Variants in SYTL5 observed in about 807,000 individuals in gnomAD.
SYTL5 encodes the protein synaptotagmin-like protein 5.
A neutral mutation model predicts 55.9 loss-of-function variants in SYTL5; 34 were observed. The ratio of observed to expected loss-of-function variants is 0.61; its 90% confidence interval spans 0.46 to 0.81. The LOEUF (loss-of-function observed/expected upper bound fraction) is 0.81. Ranked by LOEUF, SYTL5 falls within the 30% of genes least tolerant of loss-of-function variation. The probability of loss-of-function intolerance (pLI) is 0.00; values close to 1 mark genes in which losing one functional copy is unlikely to be tolerated. For synonymous variants in SYTL5, 221 were observed against 188.7 expected, an observed-to-expected ratio of 1.17 and a Z score of -1.40; for missense variants, 637 against 546.7, an observed-to-expected ratio of 1.17 and a Z score of -1.65.
chrX:37,923,429 A>G, the SYTL5 span, among the ~76,000 whole-genome samples: 14,669 of 110,742 alleles, frequency 0.13, 1,628 homozygotes, highest in African/African-American at 0.37. Context: ...TGAAGAGTAA[A>G]AATGACTACA....
In SYTL5 at chrX:38,076,595, A is replaced by G. The variant is rs2147432213; in HGVS notation, c.583A>G (p.Thr195Ala). ...TCTTCTTAGCAAGTTCAGATCGGCAACCAGAGGAGAAATCATAACTCCCAA... is the reference window on the plus strand; with the variant it reads ...TCTTCTTAGCAAGTTCAGATCGGCAGCCAGAGGAGAAATCATAACTCCCAA... ...GFLLSKFRSATRGEIITPKTD... is the reference protein window; with the variant it reads ...GFLLSKFRSAARGEIITPKTD... The change falls in exon 6 of 17, where the codon ACC (threonine) becomes GCC (alanine). Residue 195 changes from threonine (T) to alanine (A), a missense_variant. Transcript: ENST00000297875. 8.3e-7 allele frequency: 1 copy of G among 1,206,093 alleles called. No individual in the cohort carries two copies. Among genetic ancestry groups the G allele is most frequent in the Non-Finnish European group, 1.1e-6 (1 of 890,958 alleles).
chrX:38,069,959 C>T (rs753817047), intron 3 of SYTL5, among the ~76,000 whole-genome samples: 8 of 111,746 alleles, frequency 7.2e-5, no homozygotes, highest in African/African-American at 2.3e-4. Context: ...ATTCCATAAG[C>T]GTATTTTATA....
chrX:37,963,905 T>C, the SYTL5 span, among the ~76,000 whole-genome samples: 1 of 111,800 alleles, frequency 8.9e-6, no homozygotes, highest in East Asian at 2.8e-4. Context: ...TCCTAGTTTG[T>C]TGAGTGTTTT....
intron 6 of SYTL5, among the ~76,000 whole-genome samples, chrX:38,086,629 G>T (rs1179543223): frequency 9.0e-6 from 1 of 111,546 alleles, no homozygotes. Context: ...ATTATAGCTG[G>T]ATTAAAAAAT....
chrX:38,070,868 A>G (rs1247004039), intron 3 of SYTL5, among the ~76,000 whole-genome samples: 1 of 111,947 alleles, frequency 8.9e-6, no homozygotes, highest in Non-Finnish European at 1.9e-5. Context: ...GGACTTTTAT[A>G]GCAGCATAAC....
chrX:38,041,531 C>T (rs1351096240), intron 2 of SYTL5, among the ~76,000 whole-genome samples: 1 of 112,209 alleles, frequency 8.9e-6, no homozygotes, highest in African/African-American at 3.2e-5. Context: ...CCAGCATGAA[C>T]ATACTGGCTC....
chrX:37,973,561 C>T, the SYTL5 span, among the ~76,000 whole-genome samples: 1 of 111,511 alleles, frequency 9.0e-6, no homozygotes, highest in South Asian at 3.8e-4. Context: ...CCCACCAGCT[C>T]AGTGGTGAGT....
chrX:37,937,813 A>C, the SYTL5 span, among the ~76,000 whole-genome samples: 1 of 112,396 alleles, frequency 8.9e-6, no homozygotes, highest in African/African-American at 3.2e-5. Flanking sequence ...GTTGTATATA[A>C]AGCAAACATG....
chrX:38,122,258 A>G, intron 15 of SYTL5, 43 bp downstream of exon 15: 1 of 1,149,142 alleles, frequency 8.7e-7, no homozygotes, highest in Non-Finnish European at 1.2e-6. Flanking sequence ...TTAATAGGAG[A>G]TGAAAGGATC....
intron 1 of SYTL5, among the ~76,000 whole-genome samples, chrX:38,028,911 A>C (rs1322989190): frequency 2.7e-5 from 3 of 111,657 alleles, no homozygotes; most frequent in Non-Finnish European, 5.7e-5. Context: ...CTCGGTGGCA[A>C]TGTTGACAAT....
chrX:37,942,496 C>A, the SYTL5 span, among the ~76,000 whole-genome samples: 1 of 111,449 alleles, frequency 9.0e-6, no homozygotes, highest in Non-Finnish European at 1.9e-5. Flanking sequence ...TTGCCCTCCA[C>A]CCCCTTATCT....
At chrX:37,962,594 T>C in the SYTL5 span, among the ~76,000 whole-genome samples, 1 of 111,957 alleles carries the variant, frequency 8.9e-6, no homozygotes, top group Non-Finnish European at 1.9e-5. Flanking sequence ...TACCCAGTAA[T>C]GGGATGGCTG....
chrX:38,023,324 C>T (rs920178854), intron 1 of SYTL5, among the ~76,000 whole-genome samples: 1 of 111,858 alleles, frequency 8.9e-6, no homozygotes, highest in Non-Finnish European at 1.9e-5. Context: ...TCAGTCACCA[C>T]ACCTTATTGG....
chrX:38,106,709 C>T lies in SYTL5; in HGVS notation c.1272C>T (p.Tyr424=), dbSNP rs369921042. The part of the protein sequence containing the change: ...ISYCYKTGGL[Y]IFVKNCRNLA... ...ACTGCTACAAAACTGGTGGGCTGTA[C>T]ATTTTTGTCAAGAATTGCAGAAATC... Residue 424 remains tyrosine, a synonymous_variant, in exon 11 of 17, where the codon TAC becomes TAT. Coordinates refer to ENST00000297875, the MANE Select transcript of SYTL5 (RefSeq NM_138780.3). 27 of 1,207,218 alleles carry T rather than the reference C, an allele frequency of 2.2e-5. No homozygotes were observed. Among genetic ancestry groups the T allele is most frequent in the East Asian group, 1.8e-4 (6 of 33,673 alleles).
intron 3 of SYTL5, among the ~76,000 whole-genome samples, chrX:38,060,899 AC>A (rs200660597): frequency 0.011 from 1,287 of 111,939 alleles, 18 homozygotes; most frequent in African/African-American, 0.039. Context: ...AATTTAATAG[AC>A]CCAAATATCC....
At chrX:37,919,001 G>C in the SYTL5 span, among the ~76,000 whole-genome samples, 2 of 110,551 alleles carry the variant, frequency 1.8e-5, no homozygotes, top group African/African-American at 6.6e-5. Flanking sequence ...GTACAAGAAG[G>C]CCTGCTAGAA....
At chrX:38,075,568 G>C (rs1187682892) in intron 5 of SYTL5, among the ~76,000 whole-genome samples, 2 of 111,535 alleles carry the variant, frequency 1.8e-5, no homozygotes, top group African/African-American at 6.5e-5. Context: ...AGGCAGAGGA[G>C]ATACCTTAAG....
intron 10 of SYTL5, 67 bp downstream of exon 10, chrX:38,102,501 A>G (rs1379396672): frequency 1.3e-6 from 1 of 770,427 alleles, no homozygotes; most frequent in Non-Finnish European, 2.0e-6. Flanking sequence ...TGCATTTCCA[A>G]AGGAGATATG....
the SYTL5 span, among the ~76,000 whole-genome samples, chrX:37,969,140 AC>A: frequency 8.9e-6 from 1 of 111,881 alleles, no homozygotes; most frequent in East Asian, 2.8e-4. Context: ...AAGCAAAAAA[AC>A]TTACTTTTTT....
Sources: allele counts gnomAD v4.1 joint callset (sites outside exome capture counted in the v4.1 genomes callset), GRCh38; gene constraint gnomAD v4.1.1; transcripts MANE v1.5; gene names NCBI Gene and HGNC (gene_info 2026-07-23, HGNC 2026-07-21).